GBA1: variants seen among roughly 807,000 people sequenced by gnomAD.
GBA1 encodes lysosomal acid glucosylceramidase.
chr1:155,238,773 T>G, the GBA1 span: 3 of 1,562,688 alleles, frequency 1.9e-6, no homozygotes, highest in South Asian at 3.4e-5. Flanking sequence ...GGCTCCTGGG[T>G]TGGAACCTGT....
the GBA1 span, chr1:155,237,572 C>T: frequency 1.2e-6 from 2 of 1,613,548 alleles, no homozygotes; most frequent in South Asian, 2.2e-5. Flanking sequence ...CATAGGCATC[C>T]AGGAACCTGG....
At chr1:155,243,750 C>T in the GBA1 span, among the ~76,000 whole-genome samples, 1 of 152,088 alleles carries the variant, frequency 6.6e-6, no homozygotes, top group Admixed American at 6.5e-5. Flanking sequence ...CAGGGTGAGG[C>T]ACTGCGCCCA....
At chr1:155,239,522 A>G in the GBA1 span, 6 of 1,341,034 alleles carry the variant, frequency 4.5e-6, no homozygotes, top group Non-Finnish European at 6.3e-6. Context: ...CAGAATGGGC[A>G]GAGTGAGATT....
the GBA1 span, among the ~76,000 whole-genome samples, chr1:155,241,976 T>C: frequency 6.6e-6 from 1 of 152,156 alleles, no homozygotes; most frequent in Non-Finnish European, 1.5e-5. Flanking sequence ...TACAAAGCCA[T>C]ATCCTCAGTG....
At chr1:155,238,709 T>G in the GBA1 span, 1 of 1,611,158 alleles carries the variant, frequency 6.2e-7, no homozygotes, top group African/African-American at 1.3e-5. Flanking sequence ...TATGGGACTC[T>G]GCTTATCACT....
At chr1:155,236,914 G>A in the GBA1 span, among the ~76,000 whole-genome samples, 2 of 152,028 alleles carry the variant, frequency 1.3e-5, no homozygotes, top group Non-Finnish European at 2.9e-5. Flanking sequence ...TCCCAGGCTG[G>A]AGTGCAGTGG....
the GBA1 span, chr1:155,236,100 G>C: frequency 1.1e-5 from 9 of 817,800 alleles, no homozygotes; most frequent in East Asian, 2.1e-4. Context: ...GGAAAGGGAA[G>C]ATAGGGAATC....
At chr1:155,236,515 TG>T in the GBA1 span, 1 of 1,449,974 alleles carries the variant, frequency 6.9e-7, no homozygotes, top group Non-Finnish European at 9.7e-7. Flanking sequence ...CACAGGCTTC[TG>T]GAACTTCTAG....
the GBA1 span, chr1:155,239,950 ACT>A: frequency 6.2e-7 from 1 of 1,613,846 alleles, no homozygotes; most frequent in Admixed American, 1.7e-5. Flanking sequence ...CACTGCGTGT[ACT>A]CTCATAGCGG....
the GBA1 span, among the ~76,000 whole-genome samples, chr1:155,242,537 G>A: frequency 6.6e-6 from 1 of 151,800 alleles, no homozygotes; most frequent in Non-Finnish European, 1.5e-5. Flanking sequence ...CATCCTTTTT[G>A]TTCTTTAAAT....
the GBA1 span, chr1:155,244,128 G>C: frequency 6.6e-6 from 1 of 152,402 alleles, no homozygotes; most frequent in African/African-American, 2.4e-5. Context: ...GGCCGGGCGC[G>C]GTGGCTCACG....
chr1:155,240,820 T>C, the GBA1 span: 1 of 1,031,586 alleles, frequency 9.7e-7, no homozygotes, highest in Non-Finnish European at 1.5e-6. Flanking sequence ...TGGCCCGGTC[T>C]CCCACATTCA....
the GBA1 span, chr1:155,240,495 G>C: frequency 1.3e-6 from 1 of 788,538 alleles, no homozygotes; most frequent in Non-Finnish European, 2.3e-6. Flanking sequence ...TCACCCCAAA[G>C]TTGGTCTCAG....
chr1:155,237,353 G>A, the GBA1 span: 3 of 1,613,990 alleles, frequency 1.9e-6, no homozygotes, highest in Non-Finnish European at 2.5e-6. Flanking sequence ...CCTTTGCCCA[G>A]TGGGGCAGCA....
At chr1:155,236,113 G>T in the GBA1 span, 1 of 853,404 alleles carries the variant, frequency 1.2e-6, no homozygotes, top group Non-Finnish European at 1.9e-6. Flanking sequence ...AGGGAATCAT[G>T]GTTCCCCAGA....
chr1:155,238,432 ATGTC>A, the GBA1 span: 1 of 1,442,314 alleles, frequency 6.9e-7, no homozygotes, highest in Non-Finnish European at 9.5e-7. Flanking sequence ...AGGGGACAAA[ATGTC>A]TGTACAAGCA....
At chr1:155,240,168 A>T in the GBA1 span, 1 of 1,281,212 alleles carries the variant, frequency 7.8e-7, no homozygotes, top group Non-Finnish European at 1.1e-6. Context: ...CGGTTTCAAA[A>T]TTCCTCACCC....
At chr1:155,242,309 A>G in the GBA1 span, among the ~76,000 whole-genome samples, 58,843 of 151,426 alleles carry the variant, frequency 0.39, 12,449 homozygotes, top group East Asian at 0.71. Flanking sequence ...TGCAACCTCC[A>G]CCTCCTGGGT....
At chr1:155,239,553 A>AAAAAG in the GBA1 span, 1 of 1,595,414 alleles carries the variant, frequency 6.3e-7, no homozygotes, top group Non-Finnish European at 8.6e-7. Context: ...AAAATTTTAA[A>AAAAAG]AAAAGAAAAG....
Sources: gnomAD v4.1 joint callset for allele counts (sites outside exome capture counted in the v4.1 genomes callset) on GRCh38, gnomAD v4.1.1 for gene constraint, MANE v1.5 for transcripts, NCBI Gene and HGNC (gene_info 2026-07-23, HGNC 2026-07-21) for gene names.